Variants in CYRIB observed in about 807,000 individuals in gnomAD.
CYRIB encodes CYFIP-related Rac1 interactor B.
CYRIB carries 8 observed loss-of-function variants against 44.2 expected under a neutral mutation model. The observed-to-expected ratio is 0.18, with a 90% CI of 0.11 to 0.33. CYRIB has a LOEUF of 0.33. Ranked by LOEUF, CYRIB falls within the 10% of genes least tolerant of loss-of-function variation. The probability of loss-of-function intolerance (pLI) is 1.00; values close to 1 mark genes in which losing one functional copy is unlikely to be tolerated. For synonymous variants in CYRIB, 131 were observed against 127.2 expected (o/e 1.03, Z -0.20); for missense variants, 185 against 382.8 (o/e 0.48, Z 4.31).
chr8:130,008,713 T>C (rs1240679597), intron 1 of CYRIB, among the ~76,000 whole-genome samples: 2 of 152,200 alleles, frequency 1.3e-5, no homozygotes, highest in African/African-American at 4.8e-5. Context: ...GAAATCTCCA[T>C]TTGATTCTTT....
intron 2 of CYRIB, among the ~76,000 whole-genome samples, chr8:129,891,555 C>A (rs959011402): frequency 6.6e-6 from 1 of 152,172 alleles, no homozygotes; most frequent in Non-Finnish European, 1.5e-5. Context: ...CATAGTAGTA[C>A]TAAAATCTCC....
exon 12 of CYRIB, chr8:129,841,916 T>A: frequency 4.2e-6 from 2 of 471,530 alleles, no homozygotes; most frequent in Non-Finnish European, 7.6e-6. Context: ...ATTAGCTGCC[T>A]TAGATGGCCC....
At chr8:129,939,425 C>T (rs533946148) in intron 1 of CYRIB, among the ~76,000 whole-genome samples, 1 of 151,662 alleles carries the variant, frequency 6.6e-6, no homozygotes, top group South Asian at 2.1e-4. Context: ...GGCCGCGGGG[C>T]CACAGAGGAA....
intron 1 of CYRIB, among the ~76,000 whole-genome samples, chr8:129,983,888 C>T (rs1203087211): frequency 6.6e-6 from 1 of 152,214 alleles, no homozygotes; most frequent in Non-Finnish European, 1.5e-5. Flanking sequence ...GCCGGGGCCC[C>T]GCCCAGGCCC....
intron 1 of CYRIB, among the ~76,000 whole-genome samples, chr8:130,007,022 G>C (rs931096387): frequency 1.8e-4 from 27 of 152,020 alleles, no homozygotes; most frequent in Admixed American, 1.4e-3. Context: ...AACACCAAAT[G>C]CATCAAGAGG....
intron 1 of CYRIB, 149 bp downstream of exon 3, chr8:129,904,350 A>G (rs776816629): frequency 9.9e-5 from 15 of 152,184 alleles, no homozygotes; most frequent in Non-Finnish European, 1.9e-4. Flanking sequence ...TGTTAACACC[A>G]TGGGCAACCC....
At chr8:129,947,068 T>A (rs112491008) in intron 2 of CYRIB, among the ~76,000 whole-genome samples, 4,989 of 90,566 alleles carry the variant, frequency 0.055, 225 homozygotes, top group African/African-American at 0.16. Context: ...TTATTTATTT[T>A]TTTTTTTGAG....
At chr8:129,937,068 T>C (rs905501696) in intron 1 of CYRIB, among the ~76,000 whole-genome samples, 2 of 152,222 alleles carry the variant, frequency 1.3e-5, no homozygotes, top group Non-Finnish European at 2.9e-5. Context: ...TCAACATCTT[T>C]ATCAAAATTT....
intron 1 of CYRIB, among the ~76,000 whole-genome samples, chr8:129,911,429 G>C (rs1345381161): frequency 6.6e-6 from 1 of 152,084 alleles, no homozygotes; most frequent in Non-Finnish European, 1.5e-5. Context: ...ATTCCTTTCT[G>C]TAGATGTGAT....
chr8:129,888,986 A>G (rs2063925765), intron 2 of CYRIB, among the ~76,000 whole-genome samples: 1 of 152,122 alleles, frequency 6.6e-6, no homozygotes, highest in Non-Finnish European at 1.5e-5. Flanking sequence ...ACAGCTACTC[A>G]GGAGGCTGAG....
chr8:129,914,840 T>A (rs560261648), intron 1 of CYRIB, among the ~76,000 whole-genome samples: 2 of 152,342 alleles, frequency 1.3e-5, no homozygotes, highest in South Asian at 4.1e-4. Context: ...ACTGCCTGTA[T>A]ACACAACTTT....
intron 2 of CYRIB, among the ~76,000 whole-genome samples, chr8:129,891,529 C>A (rs2065408115): frequency 6.6e-6 from 1 of 152,146 alleles, no homozygotes; most frequent in African/African-American, 2.4e-5. Context: ...TTCCTGGATG[C>A]CAGTGTTAAT....
intron 1 of CYRIB, among the ~76,000 whole-genome samples, chr8:129,920,717 C>T (rs912884664): frequency 4.6e-5 from 7 of 152,078 alleles, no homozygotes; most frequent in African/African-American, 1.7e-4. Flanking sequence ...CCTTCTGCTA[C>T]CCTACTCATT....
chr8:129,882,042 T>C (rs948396411), intron 2 of CYRIB, among the ~76,000 whole-genome samples: 16 of 152,238 alleles, frequency 1.1e-4, no homozygotes, highest in African/African-American at 3.4e-4. Flanking sequence ...ATGGAATGAC[T>C]GTATCCAAAC....
At chr8:129,862,204 C>CA (rs1465016497) in intron 5 of CYRIB, 25 bp downstream of exon 7, 1 of 1,498,846 alleles carries the variant, frequency 6.7e-7, no homozygotes, top group East Asian at 2.3e-5. Context: ...CTAGGGAAGT[C>CA]ACAATTACAA....
intron 3 of CYRIB, among the ~76,000 whole-genome samples, chr8:129,874,096 T>A (rs2058305542): frequency 6.6e-6 from 1 of 151,864 alleles, no homozygotes; most frequent in Admixed American, 6.6e-5. Flanking sequence ...AACGGTACTA[T>A]ATAATGCAAC....
chr8:129,984,150 G>C (rs2096364704), intron 1 of CYRIB, among the ~76,000 whole-genome samples: 1 of 152,342 alleles, frequency 6.6e-6, no homozygotes, highest in South Asian at 2.1e-4. Context: ...GCACTATTTA[G>C]GGCTGTGGCA....
intron 1 of CYRIB, among the ~76,000 whole-genome samples, chr8:129,937,064 T>C (rs557385837): frequency 5.3e-5 from 8 of 152,312 alleles, no homozygotes; most frequent in African/African-American, 1.7e-4. Flanking sequence ...GCAATCAACA[T>C]CTTTATCAAA....
chr8:129,949,610 G>A (rs1352356167), intron 2 of CYRIB, among the ~76,000 whole-genome samples: 1 of 152,102 alleles, frequency 6.6e-6, no homozygotes. Context: ...GCTCATGCCT[G>A]TAATCCCAGC....
Sources: gnomAD v4.1 joint callset for allele counts (sites outside exome capture counted in the v4.1 genomes callset) on GRCh38, gnomAD v4.1.1 for gene constraint, MANE v1.5 for transcripts, NCBI Gene and HGNC (gene_info 2026-07-23, HGNC 2026-07-21) for gene names.